The following CACNA1C variants were observed in gnomAD, a reference collection of about 807,000 sequenced individuals.
The protein encoded by CACNA1C is calcium voltage-gated channel subunit alpha1 C.
A neutral mutation model predicts 229.0 loss-of-function variants in CACNA1C; 30 were observed. The ratio of observed to expected loss-of-function variants is 0.13; its 90% CI spans 0.10 to 0.18. The LOEUF is 0.18. Ranked by LOEUF, CACNA1C falls within the 10% of genes least tolerant of loss-of-function variation. The pLI, the probability that CACNA1C is intolerant of heterozygous loss-of-function variation, is 1.00. For missense variants in CACNA1C, 1,658 were observed against 2,845.0 expected, an observed-to-expected ratio of 0.58 and a Z score of 9.49; for synonymous variants, 1,114 against 1,132.5, an observed-to-expected ratio of 0.98 and a Z score of 0.33.
intron 3 of CACNA1C, among the ~76,000 whole-genome samples, chr12:2,300,643 A>G (rs761527747): frequency 7.9e-5 from 12 of 152,046 alleles, no homozygotes; most frequent in African/African-American, 2.9e-4. Flanking sequence ...ATAATAATAC[A>G]TGAAAAGGAC....
intron 38 of CACNA1C, among the ~76,000 whole-genome samples, chr12:2,670,688 G>T (rs758922579): frequency 6.6e-6 from 1 of 151,782 alleles, no homozygotes; most frequent in African/African-American, 2.4e-5. Context: ...GTGAAACCTC[G>T]TCTCTACTAA....
At chr12:2,394,857 G>A (rs1224618812) in intron 3 of CACNA1C, among the ~76,000 whole-genome samples, 2 of 152,126 alleles carry the variant, frequency 1.3e-5, no homozygotes, top group Admixed American at 6.5e-5. Context: ...CTCTAACTTG[G>A]CCAGATGTAC....
At chr12:2,532,869 G>A (rs374848780) in intron 9 of CACNA1C, among the ~76,000 whole-genome samples, 4 of 152,208 alleles carry the variant, frequency 2.6e-5, no homozygotes, top group Admixed American at 1.3e-4. Flanking sequence ...ATTTCAAGTC[G>A]ATTTCAGGAT....
intron 1 of CACNA1C, among the ~76,000 whole-genome samples, chr12:2,035,161 C>T (rs1182811262): frequency 1.3e-5 from 2 of 152,206 alleles, no homozygotes; most frequent in Non-Finnish European, 2.9e-5. Flanking sequence ...GGGCCCTCCG[C>T]GGGGCGCCGG....
At chr12:2,494,737 A>G (rs1307980141) in intron 7 of CACNA1C, among the ~76,000 whole-genome samples, 2 of 152,222 alleles carry the variant, frequency 1.3e-5, no homozygotes, top group Non-Finnish European at 1.5e-5. Flanking sequence ...ATTTCTTTAA[A>G]AGCACCATGT....
At chr12:2,150,505 T>A (rs2095145158) in intron 3 of CACNA1C, among the ~76,000 whole-genome samples, 1 of 152,148 alleles carries the variant, frequency 6.6e-6, no homozygotes, top group Non-Finnish European at 1.5e-5. Flanking sequence ...TATTCCGCCC[T>A]CTTAATTCCC....
At chr12:2,457,499 G>C in intron 4 of CACNA1C, 68 bp from the exon 5 acceptor site, 4 of 1,547,226 alleles carry the variant, frequency 2.6e-6, no homozygotes, top group Non-Finnish European at 3.5e-6. Context: ...TGTATCCAGA[G>C]GTCAGAGCCC....
chr12:2,305,315 A>G (rs2094926007), intron 3 of CACNA1C, among the ~76,000 whole-genome samples: 1 of 152,210 alleles, frequency 6.6e-6, no homozygotes, highest in Admixed American at 6.5e-5. Flanking sequence ...AGGACCAGAG[A>G]TGTTGAGACA....
chr12:2,504,597 C>T lies in CACNA1C; in HGVS notation c.1114-245C>T. ...CGCAGCCGAGCAAGGTCTCAGGTTC[C>T]ACTCCGTACATGCCCGGGGTCCTCA... On this transcript the variant is annotated intron_variant, in intron 7 of 46. Transcript: ENST00000399655. The surrounding 1 kb of genome is among the most constrained non-coding windows in gnomAD (Gnocchi z 6.8). 9.8e-7 allele frequency: 1 copy of T among 1,025,208 alleles called. No homozygotes were observed. Among genetic ancestry groups the T allele is most frequent in the African/African-American group, 1.6e-5 (1 of 63,582 alleles). The allele number at this position is 1,025,208 out of a possible 1,614,324, so 63.5% of individuals were successfully genotyped here. A position where few individuals can be genotyped will look rare whatever the true frequency, so the allele number is the denominator to read the frequency against.
intron 1 of CACNA1C, among the ~76,000 whole-genome samples, chr12:2,013,822 CTTG>C (rs1354193732): frequency 2.0e-5 from 3 of 152,150 alleles, no homozygotes; most frequent in African/African-American, 4.8e-5. Context: ...TATTTTTGTG[CTTG>C]TTGTGAGTAT....
In CACNA1C at chr12:2,053,502, G is replaced by A; in HGVS notation, c.-61G>A. On this transcript the variant is annotated 5_prime_UTR_variant, in exon 1 of 47. Coordinates refer to ENST00000399655, the MANE Select transcript of CACNA1C (RefSeq NM_000719.7). The surrounding 1 kb of genome is among the most constrained non-coding windows in gnomAD (Gnocchi z 5.8). The stretch of plus-strand genomic sequence containing the variant: ...GAGGGATTAATCCAGACCCGCCGGG[G>A]GGTGTTTTCACATTTCTTCCTCTTC... The A allele has an allele frequency of 6.5e-7, 1 of 1,543,256 alleles. No homozygotes were observed.
intron 30 of CACNA1C, among the ~76,000 whole-genome samples, chr12:2,638,189 T>G (rs1473447880): frequency 6.6e-6 from 1 of 152,182 alleles, no homozygotes; most frequent in Non-Finnish European, 1.5e-5. Context: ...TAGAAGATGA[T>G]AGACGTTTTA....
At chr12:2,276,594 T>C (rs986215753) in intron 3 of CACNA1C, among the ~76,000 whole-genome samples, 1 of 152,220 alleles carries the variant, frequency 6.6e-6, no homozygotes, top group Admixed American at 6.5e-5. Flanking sequence ...GAGAAATGTT[T>C]ATGGCCTCTA....
At chr12:1,978,772 T>A (rs1565805542) in intron 1 of CACNA1C, among the ~76,000 whole-genome samples, 1 of 152,252 alleles carries the variant, frequency 6.6e-6, no homozygotes, top group African/African-American at 2.4e-5. Flanking sequence ...ATAAACTTCA[T>A]ATAAATGGGG....
chr12:2,324,003 G>A (rs967706452), intron 3 of CACNA1C, among the ~76,000 whole-genome samples: 1 of 152,192 alleles, frequency 6.6e-6, no homozygotes, highest in East Asian at 1.9e-4. Context: ...CAGGAGCCGG[G>A]TCTGTTTATC....
intron 3 of CACNA1C, among the ~76,000 whole-genome samples, chr12:2,301,968 A>AT (rs1165065230): frequency 6.6e-6 from 1 of 152,240 alleles, no homozygotes; most frequent in African/African-American, 2.4e-5. Context: ...TTTTGAAGAC[A>AT]TTTTAGATTG....
chr12:2,675,496 T>C (rs2058819), intron 39 of CACNA1C, among the ~76,000 whole-genome samples: 17,410 of 152,216 alleles, frequency 0.11, 1,785 homozygotes, highest in African/African-American at 0.26. Flanking sequence ...CTTACACATA[T>C]GCAGAACAAC....
At position 2,497,492 on chromosome 12, in the gene CACNA1C, G is replaced by T. The variant is rs144531666; in HGVS notation, c.1113+4106G>T. Reference sequence around the variant, plus strand: ...TTTCTAGCTCTTTAGGAATCTCAATGCCTGGATAATTCATCAGGAGCATTC... The same window carrying T: ...TTTCTAGCTCTTTAGGAATCTCAATTCCTGGATAATTCATCAGGAGCATTC... On this transcript the variant is annotated intron_variant, in intron 7 of 46. Transcript: ENST00000399655. 2.6e-3 allele frequency among the ~76,000 whole-genome samples: 394 copies of T among 152,248 alleles called. 3 individuals are homozygous for T. The highest frequency in any genetic ancestry group is 9.0e-3 in the African/African-American group (376 of 41,548).
At chr12:2,657,852 T>C (rs1242238992) in intron 34 of CACNA1C, among the ~76,000 whole-genome samples, 1 of 152,068 alleles carries the variant, frequency 6.6e-6, no homozygotes, top group East Asian at 1.9e-4. Context: ...GAATTCCAGG[T>C]GAAAGGCATT....
Sources: allele counts gnomAD v4.1 joint callset (sites outside exome capture counted in the v4.1 genomes callset), GRCh38; gene constraint gnomAD v4.1.1; non-coding constraint Gnocchi (gnomAD v3.1); transcripts MANE v1.5; gene names NCBI Gene and HGNC (gene_info 2026-07-23, HGNC 2026-07-21).